The following ADGRV1 variants were observed in gnomAD, a reference collection of about 807,000 sequenced individuals.
The protein encoded by ADGRV1 is G-protein coupled receptor 98.
Under a neutral mutation model 596.2 loss-of-function variants are expected in ADGRV1, and 359 were observed. The ratio of observed to expected loss-of-function variants is 0.60; its 90% CI spans 0.55 to 0.66. The LOEUF (loss-of-function observed/expected upper bound fraction) is 0.66, where lower values mean the gene tolerates loss of function less well. Ranked by LOEUF, ADGRV1 falls within the 30% of genes least tolerant of loss-of-function variation. The probability of loss-of-function intolerance (pLI) is 0.00; values close to 1 mark genes in which losing one functional copy is unlikely to be tolerated. For missense variants in ADGRV1, 7,274 were observed against 7,575.6 expected (o/e 0.96, Z 1.48); for synonymous variants, 2,681 against 2,679.2 (o/e 1.00, Z -0.02).
At chr5:90,950,858 A>G (rs1260906039) in intron 83 of ADGRV1, among the ~76,000 whole-genome samples, 1 of 152,144 alleles carries the variant, frequency 6.6e-6, no homozygotes, top group Non-Finnish European at 1.5e-5. Flanking sequence ...ATGAATTATA[A>G]ATAATGTTTT....
intron 11 of ADGRV1, among the ~76,000 whole-genome samples, chr5:90,639,799 C>G (rs752909513): frequency 9.2e-5 from 14 of 152,070 alleles, no homozygotes; most frequent in Non-Finnish European, 1.3e-4. Flanking sequence ...AAAACTCCCT[C>G]TTAATTTTGC....
At chr5:90,802,127 G>A (rs1761440293) in intron 70 of ADGRV1, among the ~76,000 whole-genome samples, 1 of 152,192 alleles carries the variant, frequency 6.6e-6, no homozygotes, top group South Asian at 2.1e-4. Flanking sequence ...CATGAACACT[G>A]CCTGTGTGGC....
At chr5:90,698,339 G>C in intron 34 of ADGRV1, among the ~76,000 whole-genome samples, 1 of 152,122 alleles carries the variant, frequency 6.6e-6, no homozygotes, top group Non-Finnish European at 1.5e-5. Flanking sequence ...GCAGTCCTAT[G>C]ATATAGGTAT....
Position 90,759,558 on chromosome 5 carries a change from A to G in ADGRV1, c.12090A>G (p.Pro4030=), listed in dbSNP as rs528153209. The G allele has an allele frequency of 2.5e-6, 4 of 1,613,466 alleles. No individual in the cohort carries two copies. In the Admixed American group the frequency reaches 5.0e-5, roughly 20 times the overall value. Residue 4030 remains proline, a synonymous_variant, in exon 58 of 90, where the codon CCA becomes CCG. Coordinates refer to ENST00000405460, the MANE Select transcript of ADGRV1 (RefSeq NM_032119.4). ...TTGTTATTCCACAAAATGATTCTCC[A>G]TTTGGAGTATTTGGATTTGAAGAAA... ...VTVVIPQNDS[P]FGVFGFEEKT...
intron 83 of ADGRV1, among the ~76,000 whole-genome samples, chr5:90,926,487 A>G (rs1373616977): frequency 3.3e-5 from 5 of 150,034 alleles, no homozygotes; most frequent in Middle Eastern, 3.4e-3. Flanking sequence ...TATCCCCTTT[A>G]TCATTTTTTA....
chr5:91,076,035 A>G (rs760347369), intron 86 of ADGRV1, among the ~76,000 whole-genome samples: 3 of 152,136 alleles, frequency 2.0e-5, no homozygotes, highest in East Asian at 1.9e-4. Context: ...GATATGGGAA[A>G]ATGTAGATGA....
Position 90,591,737 on chromosome 5 carries a change from C to CT in ADGRV1, c.23-23094dup. Among the ~76,000 whole-genome samples, 2 of 152,268 alleles carry CT rather than the reference C, an allele frequency of 1.3e-5. 1 individual carries two copies. Among genetic ancestry groups the CT allele is most frequent in the South Asian group, 4.1e-4 (2 of 4,828 alleles). ...CTGAAGTCCCACTTGTTGAAACATT[C>CT]TTTTAGTAGCTATGGTTTTGTTCAT... On this transcript the variant is annotated intron_variant, in intron 1 of 89. Coordinates refer to ENST00000405460, the MANE Select transcript of ADGRV1 (RefSeq NM_032119.4).
chr5:91,059,038 G>A (rs915711563), intron 85 of ADGRV1, among the ~76,000 whole-genome samples: 11 of 152,030 alleles, frequency 7.2e-5, no homozygotes, highest in African/African-American at 2.4e-4. Flanking sequence ...CTACTATTTG[G>A]TATCTTCTCT....
rs1782007958 is a variant in ADGRV1 at position 91,003,488 on chromosome 5, G to A, written c.18152+17966G>A. 1.3e-5 allele frequency among the ~76,000 whole-genome samples: 2 copies of A among 152,274 alleles called. 1 individual carries two copies. Among genetic ancestry groups the A allele is most frequent in the South Asian group, 4.1e-4 (2 of 4,824 alleles). ...ATGACTATCTGACAGTTTCTCTGAA[G>A]GTAGAGGAAGCAGTGAGGCAAACTA... On this transcript the variant is annotated intron_variant, in intron 85 of 89. Transcript: ENST00000405460.
intron 87 of ADGRV1, among the ~76,000 whole-genome samples, chr5:91,146,856 GT>G (rs1582208663): frequency 6.6e-6 from 1 of 152,130 alleles, no homozygotes; most frequent in East Asian, 1.9e-4. Context: ...CATCACTTAA[GT>G]TTTTACCAAG....
intron 34 of ADGRV1, among the ~76,000 whole-genome samples, 182 bp downstream of exon 34, chr5:90,697,328 G>T (rs1010448173): frequency 6.6e-6 from 1 of 152,120 alleles, no homozygotes; most frequent in Non-Finnish European, 1.5e-5. Context: ...AGATTTAGGA[G>T]CCTTGCAAAC....
At chr5:91,103,941 G>A (rs1236196337) in intron 87 of ADGRV1, among the ~76,000 whole-genome samples, 1 of 152,218 alleles carries the variant, frequency 6.6e-6, no homozygotes, top group Non-Finnish European at 1.5e-5. Flanking sequence ...CTTGCAATTA[G>A]AGAAGAAGTT....
chr5:91,102,094 G>T, intron 86 of ADGRV1, 125 bp from the exon 87 acceptor site: 1 of 849,666 alleles, frequency 1.2e-6, no homozygotes, highest in Admixed American at 2.8e-5. Context: ...ATAAGAATGG[G>T]ATTTCCAAGG....
At chr5:90,794,016 G>A (rs1241926638) in intron 70 of ADGRV1, among the ~76,000 whole-genome samples, 1 of 152,006 alleles carries the variant, frequency 6.6e-6, no homozygotes, top group Admixed American at 6.6e-5. Context: ...TTTTTTCAAC[G>A]GTTTCTTTCT....
intron 59 of ADGRV1, among the ~76,000 whole-genome samples, chr5:90,764,022 G>A (rs1051915709): frequency 1.3e-5 from 2 of 152,166 alleles, no homozygotes; most frequent in South Asian, 2.1e-4. Flanking sequence ...GGTGTGGGCT[G>A]CAGGGAGGGA....
intron 61 of ADGRV1, among the ~76,000 whole-genome samples, chr5:90,777,026 A>G (rs1451765824): frequency 6.6e-6 from 1 of 152,170 alleles, no homozygotes; most frequent in Non-Finnish European, 1.5e-5. Context: ...TCACACTGCT[A>G]TAAAGAACTG....
intron 85 of ADGRV1, among the ~76,000 whole-genome samples, chr5:90,987,006 T>C (rs1475113614): frequency 6.6e-6 from 1 of 152,178 alleles, no homozygotes; most frequent in African/African-American, 2.4e-5. Context: ...AAAAACTATC[T>C]TGATCCTTTT....
chr5:90,658,775 C>T (rs1363373581), intron 21 of ADGRV1, among the ~76,000 whole-genome samples: 1 of 151,542 alleles, frequency 6.6e-6, no homozygotes, highest in Admixed American at 6.6e-5. Flanking sequence ...TCTTGGCCAG[C>T]TTAATTCATT....
At chr5:90,679,983 G>A (rs1744723086) in intron 26 of ADGRV1, among the ~76,000 whole-genome samples, 1 of 152,144 alleles carries the variant, frequency 6.6e-6, no homozygotes, top group Non-Finnish European at 1.5e-5. Flanking sequence ...TACATAAAAA[G>A]AGGTCAATAG....
Sources: gnomAD v4.1 joint callset for allele counts (sites outside exome capture counted in the v4.1 genomes callset) on GRCh38, gnomAD v4.1.1 for gene constraint, MANE v1.5 for transcripts, NCBI Gene and HGNC (gene_info 2026-07-23, HGNC 2026-07-21) for gene names.